SLC7A5: variants seen among roughly 807,000 people sequenced by gnomAD.
SLC7A5 encodes large neutral amino acids transporter small subunit 1.
A neutral mutation model predicts 50.2 loss-of-function variants in SLC7A5; 23 were observed. That is an observed-to-expected ratio of 0.46 (90% CI 0.33 to 0.65). The LOEUF (loss-of-function observed/expected upper bound fraction) is 0.65, where lower values mean the gene tolerates loss of function less well. Ranked by LOEUF, SLC7A5 falls within the 30% of genes least tolerant of loss-of-function variation. SLC7A5 has a pLI of 0.02. For missense variants in SLC7A5, 578 were observed against 684.4 expected (o/e 0.84, Z 1.73); for synonymous variants, 393 against 330.6 (o/e 1.19, Z -2.05).
rs749829920 is a variant in SLC7A5 at position 87,860,844 on chromosome 16, C to T, written c.538+8041G>A. ...GGCAAATCCTAGGGCAGGGGAGGGG[C>T]GGGCAATGCCAGAGAACGGTCCCCA... is the stretch of plus-strand genomic sequence containing the variant. On this transcript the variant is annotated intron_variant, in intron 1 of 9. Transcript: ENST00000261622. This position sits in a 1 kb window ranked among gnomAD's most constrained non-coding sequence, Gnocchi z 4.8. Among the ~76,000 whole-genome samples the T allele has an allele frequency of 6.6e-6, 1 of 152,120 alleles. No homozygotes were observed. Among genetic ancestry groups the T allele is most frequent in the Non-Finnish European group, 1.5e-5 (1 of 68,018 alleles).
rs559659914 is a variant in SLC7A5, at chr16:87,862,150, G to C, written c.538+6735C>G. ...CAGGCTACAGGTGCTTGATACCCCAGGGGGGCCCTGGAACAGGCCTGGACT... is the reference window on the plus strand; with the variant it reads ...CAGGCTACAGGTGCTTGATACCCCACGGGGGCCCTGGAACAGGCCTGGACT... On this transcript the variant is annotated intron_variant, in intron 1 of 9. Transcript: ENST00000261622. This position sits in a 1 kb window ranked among gnomAD's most constrained non-coding sequence, Gnocchi z 5.3. Among the ~76,000 whole-genome samples, 6 of 152,238 alleles carry C rather than the reference G, an allele frequency of 3.9e-5. No individual in the cohort carries two copies. The highest frequency in any genetic ancestry group is 1.4e-4 in the African/African-American group (6 of 41,542).
At chr16:87,858,082 T>C (rs888034873) in intron 1 of SLC7A5, among the ~76,000 whole-genome samples, 15 of 152,062 alleles carry the variant, frequency 9.9e-5, no homozygotes, top group Non-Finnish European at 2.1e-4. Context: ...GGGTCCTGAC[T>C]CCAGGAGACC....
chr16:87,837,865 C>T lies in SLC7A5; in HGVS notation c.1120G>A (p.Val374Met), dbSNP rs777363728. The change falls in exon 7 of 10, where the codon GTG (valine) becomes ATG (methionine). Residue 374 changes from valine to methionine, a missense_variant. Val to Met is a conservative substitution (Grantham distance 21, BLOSUM62 1). This residue lies in a region of SLC7A5 where 465 missense variants were observed against 594.6 expected (regional missense o/e 0.78). Coordinates refer to ENST00000261622, the MANE Select transcript of SLC7A5 (RefSeq NM_003486.7). ...SMIHPQLLTP[V>M]PSLVFTCVMT... ...CTTACCGTGAACACGAGGGACGGCA[C>T]GGGGGTGAGGAGCTGTGGGTGGATC... 5 of 1,606,792 alleles carry T rather than the reference C, an allele frequency of 3.1e-6. No individual in the cohort carries two copies. In the African/African-American group the frequency reaches 4.0e-5, roughly 13 times the overall value.
In SLC7A5 at chr16:87,852,438, A is replaced by T. The variant is rs2143788584; in HGVS notation, c.539-589T>A. Among the ~76,000 whole-genome samples the T allele has an allele frequency of 6.6e-6, 1 of 152,226 alleles. No individual in the cohort carries two copies. The highest frequency in any genetic ancestry group is 1.5e-5 in the Non-Finnish European group (1 of 68,006). ...CAGGGGCCTGTGGTGAGCAGAGCAG[A>T]CCCTGCTGCCCTGCTGCTTTGGGGG... On this transcript the variant is annotated intron_variant, in intron 1 of 9. Coordinates refer to ENST00000261622, the MANE Select transcript of SLC7A5 (RefSeq NM_003486.7). This position sits in a 1 kb window ranked among gnomAD's most constrained non-coding sequence, Gnocchi z 4.5.
At chr16:87,855,801 G>T (rs1452277532) in intron 1 of SLC7A5, among the ~76,000 whole-genome samples, 2 of 151,988 alleles carry the variant, frequency 1.3e-5, no homozygotes, top group Admixed American at 6.5e-5. Flanking sequence ...GCTGGGTGGG[G>T]ACCCCGCAGG....
intron 2 of SLC7A5, among the ~76,000 whole-genome samples, 194 bp downstream of exon 2, chr16:87,851,530 C>T (rs1188346908): frequency 1.3e-5 from 2 of 152,238 alleles, no homozygotes; most frequent in African/African-American, 2.4e-5. Flanking sequence ...CGCTGTCCCA[C>T]GGGAGCACTC....
chr16:87,867,958 A>AG (rs2055484001), intron 1 of SLC7A5, among the ~76,000 whole-genome samples: 1 of 152,034 alleles, frequency 6.6e-6, no homozygotes, highest in Non-Finnish European at 1.5e-5. Context: ...TACTAAAAAT[A>AG]CAAAAAAAAT....
chr16:87,832,854 G>A lies in SLC7A5; in HGVS notation c.*116C>T. 1 of 841,634 alleles carries A rather than the reference G, an allele frequency of 1.2e-6. No homozygotes were observed. Among genetic ancestry groups the A allele is most frequent in the Non-Finnish European group, 2.1e-6 (1 of 484,822 alleles). The allele number at this position is 841,634 out of a possible 1,614,324, so 52.1% of individuals were successfully genotyped here. ...CTGCCCGACCTGGGAGGGACGGCGA[G>A]GGACTGGGATGGGCAGCTGAGCTGT... is the stretch of plus-strand genomic sequence containing the variant. On this transcript the variant is annotated 3_prime_UTR_variant, in exon 10 of 10. Transcript: ENST00000261622. This position sits in a 1 kb window ranked among gnomAD's most constrained non-coding sequence, Gnocchi z 4.6.
rs1370355450 is a variant in SLC7A5, at chr16:87,830,421, C to G, written c.*2549G>C. On this transcript the variant is annotated 3_prime_UTR_variant, in exon 10 of 10. Coordinates refer to ENST00000261622, the MANE Select transcript of SLC7A5 (RefSeq NM_003486.7). ...ACACCTGAAGCCCACAAGTGGAAAC[C>G]GCTGGGGACGTTTGTCAGTGGAGTG... 2.0e-5 allele frequency: 3 copies of G among 152,254 alleles called. No homozygotes were observed. The highest frequency in any genetic ancestry group is 4.4e-5 in the Non-Finnish European group (3 of 68,050). 9.4% of individuals were successfully genotyped at this position (152,254 alleles called of 1,614,324 possible). A position where few individuals can be genotyped will look rare whatever the true frequency, so the allele number is the denominator to read the frequency against.
intron 2 of SLC7A5, among the ~76,000 whole-genome samples, chr16:87,849,364 G>A (rs752506635): frequency 6.6e-6 from 1 of 152,222 alleles, no homozygotes; most frequent in Non-Finnish European, 1.5e-5. Context: ...TGCAGACACT[G>A]CACTGTATCC....
Position 87,846,964 on chromosome 16 carries a change from C to T in SLC7A5, c.664+4760G>A, listed in dbSNP as rs139698583. On this transcript the variant is annotated intron_variant, in intron 2 of 9. Transcript: ENST00000261622. The stretch of plus-strand genomic sequence containing the variant: ...AGGCTCAGACACCCTGGCCGGGGGG[C>T]GGCAAAACTAGAATCCCAAGGCAGC... 2.9e-3 allele frequency among the ~76,000 whole-genome samples: 438 copies of T among 152,284 alleles called. 1 individual carries two copies. In the Middle Eastern group the frequency reaches 0.044, roughly 15 times the overall value.
chr16:87,836,616 T>C lies in SLC7A5; in HGVS notation c.1172A>G (p.Lys391Arg). The C allele has an allele frequency of 1.9e-6, 3 of 1,613,432 alleles. No homozygotes were observed. The highest frequency in any genetic ancestry group is 1.6e-4 in the Middle Eastern group (1 of 6,062). The change falls in exon 8 of 10, where the codon AAG (lysine) becomes AGG (arginine). Residue 391 changes from lysine to arginine, a missense_variant. Transcript: ENST00000261622. ...GAAGTTGATGACGGAGAAGATGTCC[T>C]TGGAGAAGGCGTAGAGCAGCGTCAT... ...CVMTLLYAFS[K>R]DIFSVINFFS...
In SLC7A5 at chr16:87,869,067, T is replaced by G; in HGVS notation, c.356A>C (p.Tyr119Ser). ...TISKSGGDYA[Y>S]MLEVYGSLPA... ...CAGCGAGCCGTAGACCTCCAGCATG[T>G]AGGCGTAGTCGCCGCCCGATTTGGA... is the stretch of plus-strand genomic sequence containing the variant. The change falls in exon 1 of 10, where the codon TAC (tyrosine) becomes TCC (serine). Residue 119 changes from tyrosine to serine, a missense_variant. Coordinates refer to ENST00000261622, the MANE Select transcript of SLC7A5 (RefSeq NM_003486.7). 6.2e-7 allele frequency: 1 copy of G among 1,611,926 alleles called. No homozygotes were observed. The highest frequency in any genetic ancestry group is 8.5e-7 in the Non-Finnish European group (1 of 1,179,806).
chr16:87,840,570 C>T (rs1228953233), intron 3 of SLC7A5, 97 bp from the exon 4 acceptor site: 10 of 1,060,516 alleles, frequency 9.4e-6, no homozygotes, highest in Middle Eastern at 2.0e-4. Flanking sequence ...TGAGCCTGCC[C>T]CCCGGTGGTC....
chr16:87,844,694 C>T (rs1024203661), intron 2 of SLC7A5, among the ~76,000 whole-genome samples: 6 of 152,166 alleles, frequency 3.9e-5, no homozygotes, highest in African/African-American at 1.4e-4. Flanking sequence ...CCCGGAACCT[C>T]AGGGCTGACG....
At chr16:87,857,613 G>C (rs1260328213) in intron 1 of SLC7A5, among the ~76,000 whole-genome samples, 1 of 152,188 alleles carries the variant, frequency 6.6e-6, no homozygotes, top group Non-Finnish European at 1.5e-5. Context: ...GCTCAATTTT[G>C]ATGCCCAGTC....
rs371645807 is a variant in SLC7A5, at chr16:87,833,075, C to T, written c.1469-50G>A. 1.0e-5 allele frequency: 16 copies of T among 1,537,368 alleles called. No individual in the cohort carries two copies. The African/African-American group carries it at 1.2e-4, about 12-fold the overall frequency. ...TTAGCCTGGGGGCTGGGTAGGCACCCGTGGGACACGGGGGCGTGAGCTGGG... is the reference window on the plus strand; with the variant it reads ...TTAGCCTGGGGGCTGGGTAGGCACCTGTGGGACACGGGGGCGTGAGCTGGG... On this transcript the variant is annotated intron_variant, in intron 9 of 9. Coordinates refer to ENST00000261622, the MANE Select transcript of SLC7A5 (RefSeq NM_003486.7). This position sits in a 1 kb window ranked among gnomAD's most constrained non-coding sequence, Gnocchi z 6.0.
In SLC7A5 at chr16:87,836,267, A is replaced by C. The variant is rs553034188; in HGVS notation, c.1290+231T>G. ...TGCTTCCCTCCACCCAACGGAGCAC[A>C]AGCTCTGTGCCATCTGCTGTCCTTT... On this transcript the variant is annotated intron_variant, in intron 8 of 9. Coordinates refer to ENST00000261622, the MANE Select transcript of SLC7A5 (RefSeq NM_003486.7). Among the ~76,000 whole-genome samples, 16 of 152,338 alleles carry C rather than the reference A, an allele frequency of 1.1e-4. No individual in the cohort carries two copies. In the East Asian group the frequency reaches 2.9e-3, roughly 28 times the overall value.
Position 87,832,851 on chromosome 16 carries a change from C to T in SLC7A5, c.*119G>A, listed in dbSNP as rs561136237. 23 of 825,734 alleles carry T rather than the reference C, an allele frequency of 2.8e-5. No homozygotes were observed. The highest frequency in any genetic ancestry group is 2.1e-4 in the South Asian group (16 of 74,432). 51.2% of individuals were successfully genotyped at this position (825,734 alleles called of 1,614,324 possible). A position where few individuals can be genotyped will look rare whatever the true frequency, so the allele number is the denominator to read the frequency against. ...CCACTGCCCGACCTGGGAGGGACGG[C>T]GAGGGACTGGGATGGGCAGCTGAGC... On this transcript the variant is annotated 3_prime_UTR_variant, in exon 10 of 10. Transcript: ENST00000261622. The surrounding 1 kb of genome is among the most constrained non-coding windows in gnomAD (Gnocchi z 4.6).
Sources: allele counts gnomAD v4.1 joint callset (sites outside exome capture counted in the v4.1 genomes callset), GRCh38; gene constraint gnomAD v4.1.1; regional missense constraint gnomAD v4.1.1; non-coding constraint Gnocchi (gnomAD v3.1); transcripts MANE v1.5; gene names NCBI Gene and HGNC (gene_info 2026-07-23, HGNC 2026-07-21).